CSMD1: variants seen among roughly 807,000 people sequenced by gnomAD.
CSMD1 encodes the protein CUB and Sushi multiple domains 1.
In CSMD1, 213 loss-of-function variants were observed where a neutral mutation model predicts 417.5. That is an observed-to-expected ratio of 0.51 (90% CI 0.46 to 0.57). The LOEUF (loss-of-function observed/expected upper bound fraction) is 0.57. CSMD1 is among the 20% of genes least tolerant of loss of function. The probability of loss-of-function intolerance (pLI) is 0.00; values close to 1 mark genes in which losing one functional copy is unlikely to be tolerated. For missense variants in CSMD1, 6,923 were observed against 4,529.7 expected, an observed-to-expected ratio of 1.53 and a Z score of -15.17; for synonymous variants, 2,862 against 1,736.8, an observed-to-expected ratio of 1.65 and a Z score of -16.11.
At chr8:4,902,605 A>G (rs1423127638) in intron 1 of CSMD1, among the ~76,000 whole-genome samples, 1 of 152,210 alleles carries the variant, frequency 6.6e-6, no homozygotes, top group Non-Finnish European at 1.5e-5. Flanking sequence ...ACATCCTTTG[A>G]CCATTGTAAT....
intron 65 of CSMD1, among the ~76,000 whole-genome samples, chr8:2,953,449 T>C (rs1168880963): frequency 1.6e-5 from 2 of 123,758 alleles, no homozygotes; most frequent in Admixed American, 8.1e-5. Flanking sequence ...ATAGAGCTTA[T>C]GTCCAAAAAA....
intron 3 of CSMD1, among the ~76,000 whole-genome samples, chr8:4,339,443 G>C (rs1044479176): frequency 7.9e-5 from 12 of 152,212 alleles, no homozygotes; most frequent in African/African-American, 2.4e-4. Context: ...GCTGGTGTTT[G>C]AATCAGCTGT....
chr8:3,291,539 C>A (rs912016487), intron 25 of CSMD1, among the ~76,000 whole-genome samples: 1 of 152,112 alleles, frequency 6.6e-6, no homozygotes, highest in Non-Finnish European at 1.5e-5. Context: ...TCAACTTCTT[C>A]CTGGTTTAGT....
intron 7 of CSMD1, among the ~76,000 whole-genome samples, chr8:3,661,881 G>C (rs1424937965): frequency 6.6e-6 from 1 of 152,126 alleles, no homozygotes; most frequent in Non-Finnish European, 1.5e-5. Flanking sequence ...CGACACATAG[G>C]ATTTGTACAG....
intron 6 of CSMD1, among the ~76,000 whole-genome samples, chr8:3,727,220 T>A (rs971644159): frequency 6.6e-6 from 1 of 152,224 alleles, no homozygotes; most frequent in Non-Finnish European, 1.5e-5. Context: ...TTTTCAAAGT[T>A]GCGTTTGACA....
chr8:4,349,676 A>G (rs1800974434), intron 3 of CSMD1, among the ~76,000 whole-genome samples: 1 of 152,190 alleles, frequency 6.6e-6, no homozygotes, highest in African/African-American at 2.4e-5. Flanking sequence ...AAATTTTGAA[A>G]TGTGGCCAAT....
At chr8:4,475,539 A>C (rs1055706227) in intron 2 of CSMD1, among the ~76,000 whole-genome samples, 1 of 152,148 alleles carries the variant, frequency 6.6e-6, no homozygotes, top group Non-Finnish European at 1.5e-5. Context: ...AGAAAGTTTC[A>C]TCTATCTTGC....
intron 7 of CSMD1, among the ~76,000 whole-genome samples, chr8:3,704,435 G>A (rs1185183284): frequency 6.6e-6 from 1 of 152,126 alleles, no homozygotes; most frequent in Non-Finnish European, 1.5e-5. Context: ...CAAGAGAAGT[G>A]GTACTTTGTA....
chr8:4,582,988 G>A (rs1039050006), intron 2 of CSMD1, among the ~76,000 whole-genome samples: 1 of 152,178 alleles, frequency 6.6e-6, no homozygotes, highest in Non-Finnish European at 1.5e-5. Flanking sequence ...GGCTGCGGAC[G>A]GTGTACTGAA....
At chr8:3,474,999 C>G (rs925261538) in intron 11 of CSMD1, among the ~76,000 whole-genome samples, 2 of 152,148 alleles carry the variant, frequency 1.3e-5, no homozygotes, top group Admixed American at 1.3e-4. Context: ...ACTCTGTCAT[C>G]TCCCAGGCGT....
At chr8:4,993,351 T>A (rs1347444695) in intron 1 of CSMD1, among the ~76,000 whole-genome samples, 1 of 132,058 alleles carries the variant, frequency 7.6e-6, no homozygotes, top group Non-Finnish European at 1.8e-5. Flanking sequence ...CAGGGGCAGG[T>A]ATTTCCAATG....
In CSMD1 at chr8:3,095,675, G is replaced by A. The variant is rs185136069; in HGVS notation, c.7138+1174C>T. 2.6e-5 allele frequency among the ~76,000 whole-genome samples: 4 copies of A among 152,208 alleles called. No individual in the cohort carries two copies. In the East Asian group the frequency reaches 5.8e-4, roughly 22 times the overall value. On this transcript the variant is annotated intron_variant, in intron 47 of 69. Transcript: ENST00000635120. ...ATTTATTTTTTTCACTGAATTGATT[G>A]TAATTTATCTGAACTCAATGACAAA...
intron 3 of CSMD1, among the ~76,000 whole-genome samples, chr8:4,112,980 AGTT>A (rs574320280): frequency 1.6e-4 from 24 of 152,294 alleles, no homozygotes; most frequent in African/African-American, 5.1e-4. Flanking sequence ...ATATTTCAAA[AGTT>A]GTTGTTATTA....
intron 32 of CSMD1, 26 bp downstream of exon 32, chr8:3,201,586 T>C (rs1796995698): frequency 7.0e-7 from 1 of 1,427,874 alleles, no homozygotes; most frequent in Admixed American, 2.0e-5. Context: ...TGAACTAAAT[T>C]AAGGGCAAAA....
chr8:4,076,134 G>T (rs117389897), intron 3 of CSMD1, among the ~76,000 whole-genome samples: 1 of 152,144 alleles, frequency 6.6e-6, no homozygotes, highest in Admixed American at 6.6e-5. Context: ...CCCTGTAGGA[G>T]GTAACTGAAT....
intron 5 of CSMD1, among the ~76,000 whole-genome samples, chr8:3,915,405 CAAAAAA>C (rs778981187): frequency 5.9e-4 from 45 of 76,288 alleles, no homozygotes; most frequent in Middle Eastern, 0.01. Context: ...GACTCTGTCT[CAAAAAA>C]AAAAAAAAAA....
intron 26 of CSMD1, among the ~76,000 whole-genome samples, chr8:3,242,202 G>A (rs934885184): frequency 5.3e-5 from 8 of 151,998 alleles, no homozygotes; most frequent in East Asian, 1.9e-4. Context: ...ACAGTAAGCT[G>A]GACCAGGTGT....
chr8:4,219,315 G>A (rs1647320), intron 3 of CSMD1, among the ~76,000 whole-genome samples: 152,156 of 152,344 alleles, frequency 1, 75,984 homozygotes, highest in Non-Finnish European at 1. Flanking sequence ...TTCTCTCTCA[G>A]TAATTTCATT....
At chr8:4,775,054 TAC>T (rs1796779540) in intron 1 of CSMD1, among the ~76,000 whole-genome samples, 1 of 152,108 alleles carries the variant, frequency 6.6e-6, no homozygotes, top group South Asian at 2.1e-4. Context: ...AATCAAGATA[TAC>T]AAGAGCAACA....
Sources: allele counts gnomAD v4.1 joint callset (sites outside exome capture counted in the v4.1 genomes callset), GRCh38; gene constraint gnomAD v4.1.1; transcripts MANE v1.5; gene names NCBI Gene and HGNC (gene_info 2026-07-23, HGNC 2026-07-21).